Variants in TES observed in about 807,000 individuals in gnomAD.
TES encodes testin.
In TES, 41 loss-of-function variants were observed where a neutral mutation model predicts 48.2. The observed-to-expected ratio is 0.85, with a 90% CI of 0.66 to 1.10. The LOEUF (loss-of-function observed/expected upper bound fraction) is 1.10. Among genes scored for constraint, TES ranks in the 50% least tolerant of loss-of-function variants. TES has a pLI of 0.00. For missense variants in TES, 463 were observed against 515.1 expected (o/e 0.90, Z 0.98); for synonymous variants, 162 against 174.9 (o/e 0.93, Z 0.58).
At chr7:116,250,527 T>A in intron 4 of TES, 31 bp downstream of exon 4, 1 of 1,418,318 alleles carries the variant, frequency 7.1e-7, no homozygotes. Flanking sequence ...GTTAGCCTGA[T>A]TTGTATACTT....
At chr7:116,222,850 A>G (rs1417448263) in intron 1 of TES, 2 of 366,136 alleles carry the variant, frequency 5.5e-6, no homozygotes, top group Non-Finnish European at 7.6e-6. Flanking sequence ...ATTCCATTAC[A>G]GTGTCTTTCA....
intron 2 of TES, among the ~76,000 whole-genome samples, chr7:116,242,523 CTCTCTCTCTCTCTCTGTCTCTG>C (rs1355104782): frequency 5.6e-5 from 7 of 124,970 alleles, no homozygotes; most frequent in African/African-American, 6.4e-5. Flanking sequence ...CTCTCTCTCT[CTCTCTCTCTCTCTCTGTCTCTG>C]TCTCGGAATA....
At chr7:116,228,866 A>G (rs1294708420) in intron 1 of TES, among the ~76,000 whole-genome samples, 2 of 151,794 alleles carry the variant, frequency 1.3e-5, no homozygotes, top group Non-Finnish European at 2.9e-5. Flanking sequence ...TGAAGCCTAA[A>G]GAAGAAAGAT....
chr7:116,221,361 G>A (rs1169654887), intron 1 of TES, among the ~76,000 whole-genome samples: 6 of 152,132 alleles, frequency 3.9e-5, no homozygotes. Flanking sequence ...TAGGGAATTG[G>A]TATGTTTCCC....
At chr7:116,225,535 A>G (rs1239981579) in intron 1 of TES, among the ~76,000 whole-genome samples, 1 of 152,152 alleles carries the variant, frequency 6.6e-6, no homozygotes, top group African/African-American at 2.4e-5. Flanking sequence ...TCCTAACATA[A>G]TAGTCTATGT....
At chr7:116,235,408 A>C (rs1372044572) in intron 2 of TES, among the ~76,000 whole-genome samples, 1 of 152,258 alleles carries the variant, frequency 6.6e-6, no homozygotes, top group Non-Finnish European at 1.5e-5. Context: ...TTTTAGCTGT[A>C]AAGTTACTAG....
intron 1 of TES, among the ~76,000 whole-genome samples, chr7:116,233,485 G>A (rs1174076858): frequency 6.6e-6 from 1 of 152,184 alleles, no homozygotes; most frequent in Non-Finnish European, 1.5e-5. Flanking sequence ...CTTGGAGTCA[G>A]AAAGACTTGA....
Position 116,258,606 on chromosome 7 carries a change from A to G in TES, c.*1124A>G, listed in dbSNP as rs1371240680. 2 of 152,584 alleles carry G rather than the reference A, an allele frequency of 1.3e-5. No individual in the cohort carries two copies. The highest frequency in any genetic ancestry group is 4.8e-5 in the African/African-American group (2 of 41,424). The allele number at this position is 152,584 out of a possible 1,614,324, so 9.5% of individuals were successfully genotyped here. A position where few individuals can be genotyped will look rare whatever the true frequency, so the allele number is the denominator to read the frequency against. ...ATTCTTTCCTAATGGATCCTGTTTT[A>G]TAATACTTCCAAGCCTGTCCATGGA... is the stretch of plus-strand genomic sequence containing the variant. On this transcript the variant is annotated 3_prime_UTR_variant, in exon 7 of 7. Coordinates refer to ENST00000358204, the MANE Select transcript of TES (RefSeq NM_015641.4).
chr7:116,244,885 G>A (rs755147424), intron 2 of TES, among the ~76,000 whole-genome samples: 1 of 152,216 alleles, frequency 6.6e-6, no homozygotes, highest in Non-Finnish European at 1.5e-5. Context: ...TATGGAAGCT[G>A]CCAAGGCTTG....
chr7:116,227,261 C>T (rs890367643), intron 1 of TES, among the ~76,000 whole-genome samples: 4 of 151,548 alleles, frequency 2.6e-5, no homozygotes, highest in Non-Finnish European at 4.4e-5. Context: ...GGATTACAGG[C>T]ATCTATCACC....
chr7:116,211,827 T>C (rs750429520), intron 1 of TES, among the ~76,000 whole-genome samples: 2 of 152,228 alleles, frequency 1.3e-5, no homozygotes, highest in Non-Finnish European at 2.9e-5. Context: ...ATACAAAATA[T>C]TGTGTTAGGA....
chr7:116,242,665 A>G (rs1049220755), intron 2 of TES, among the ~76,000 whole-genome samples: 1 of 152,192 alleles, frequency 6.6e-6, no homozygotes, highest in Non-Finnish European at 1.5e-5. Flanking sequence ...TGGCAATGAG[A>G]TACATTTGGG....
At chr7:116,218,320 G>A (rs1322749977) in intron 1 of TES, among the ~76,000 whole-genome samples, 1 of 151,992 alleles carries the variant, frequency 6.6e-6, no homozygotes, top group Non-Finnish European at 1.5e-5. Flanking sequence ...ATGGCATTCA[G>A]CCCAGCAGAA....
chr7:116,246,946 C>CTTTTTTTTTTTTTT (rs148032626), intron 2 of TES, among the ~76,000 whole-genome samples: 1 of 131,046 alleles, frequency 7.6e-6, no homozygotes, highest in Non-Finnish European at 1.6e-5. Flanking sequence ...AGACTAGGCC[C>CTTTTTTTTTTTTTT]CTTTTTTTTT....
In TES at chr7:116,257,606, GTTTAA is replaced by G; in HGVS notation, c.*128_*132del. The G allele has an allele frequency of 9.9e-7, 1 of 1,008,064 alleles. No individual in the cohort carries two copies. Among genetic ancestry groups the G allele is most frequent in the Non-Finnish European group, 1.3e-6 (1 of 762,920 alleles). 62.4% of individuals were successfully genotyped at this position (1,008,064 alleles called of 1,614,324 possible). A position where few individuals can be genotyped will look rare whatever the true frequency, so the allele number is the denominator to read the frequency against. On this transcript the variant is annotated 3_prime_UTR_variant, in exon 7 of 7. Coordinates refer to ENST00000358204, the MANE Select transcript of TES (RefSeq NM_015641.4). ...ACTGTAAAGGAAACCAAGAGATTTT[GTTTAA>G]TTTTTTTGGCCATTTTTTCTTCATC...
chr7:116,250,051 A>G (rs1291250271), intron 3 of TES, 110 bp from the exon 4 acceptor site: 3 of 851,122 alleles, frequency 3.5e-6, no homozygotes, highest in Non-Finnish European at 5.0e-6. Context: ...AGTTGCTGCT[A>G]TTGGATAGAA....
At chr7:116,227,066 T>C (rs1799629558) in intron 1 of TES, among the ~76,000 whole-genome samples, 1 of 151,858 alleles carries the variant, frequency 6.6e-6, no homozygotes, top group Non-Finnish European at 1.5e-5. Flanking sequence ...AGTTTGGTTT[T>C]CTGTGTAACC....
At chr7:116,218,643 T>TC (rs1294457223) in intron 1 of TES, among the ~76,000 whole-genome samples, 3 of 152,124 alleles carry the variant, frequency 2.0e-5, no homozygotes, top group African/African-American at 7.2e-5. Context: ...GACTCTAAAC[T>TC]CCATATCTAT....
Position 116,248,878 on chromosome 7 carries a change from T to C in TES, c.114-142T>C, listed in dbSNP as rs1262869647. ...CTTCTTGCTTAAATATATGGATACT[T>C]ATTCTCCCTCCTAAAAAAGGACTTG... On this transcript the variant is annotated intron_variant, in intron 2 of 6. Coordinates refer to ENST00000358204, the MANE Select transcript of TES (RefSeq NM_015641.4). The C allele has an allele frequency of 7.8e-6, 6 of 770,588 alleles. No individual in the cohort carries two copies. In the African/African-American group the frequency reaches 1.1e-4, roughly 14 times the overall value. The allele number at this position is 770,588 out of a possible 1,614,324, so 47.7% of individuals were successfully genotyped here.
Sources: gnomAD v4.1 joint callset for allele counts (sites outside exome capture counted in the v4.1 genomes callset) on GRCh38, gnomAD v4.1.1 for gene constraint, MANE v1.5 for transcripts, NCBI Gene and HGNC (gene_info 2026-07-23, HGNC 2026-07-21) for gene names.